PTPRD: variants seen among roughly 807,000 people sequenced by gnomAD.
PTPRD encodes protein tyrosine phosphatase receptor type D.
In PTPRD, 34 loss-of-function variants were observed where a neutral mutation model predicts 214.5. The ratio of observed to expected loss-of-function variants is 0.16; its 90% CI spans 0.12 to 0.21. The LOEUF (loss-of-function observed/expected upper bound fraction) is 0.21, where lower values mean the gene tolerates loss of function less well. Among genes scored for constraint, PTPRD ranks in the 10% least tolerant of loss-of-function variants. The pLI is 1.00. For synonymous variants in PTPRD, 1,128 were observed against 845.7 expected (o/e 1.33, Z -5.79); for missense variants, 2,545 against 2,398.7 (o/e 1.06, Z -1.27).
intron 3 of PTPRD, among the ~76,000 whole-genome samples, chr9:10,255,427 C>T (rs1394902037): frequency 6.6e-6 from 1 of 152,052 alleles, no homozygotes; most frequent in Admixed American, 6.6e-5. Flanking sequence ...TATTTAAACA[C>T]AGAAAAGGTA....
intron 11 of PTPRD, among the ~76,000 whole-genome samples, chr9:8,743,020 T>C (rs1211354674): frequency 6.7e-6 from 1 of 148,260 alleles, no homozygotes; most frequent in Non-Finnish European, 1.5e-5. Flanking sequence ...AACAAGAAAT[T>C]ATCCCATTCA....
At chr9:9,909,752 T>C (rs1601782933) in intron 5 of PTPRD, among the ~76,000 whole-genome samples, 1 of 151,288 alleles carries the variant, frequency 6.6e-6, no homozygotes, top group East Asian at 1.9e-4. Flanking sequence ...CATGTGAGCC[T>C]TTGGGACATC....
chr9:8,478,149 A>G (rs1387946305), intron 30 of PTPRD, among the ~76,000 whole-genome samples: 1 of 152,238 alleles, frequency 6.6e-6, no homozygotes, highest in Non-Finnish European at 1.5e-5. Context: ...AAATTAGAGG[A>G]AGAATACCTA....
At chr9:8,755,423 G>C (rs2093916752) in intron 11 of PTPRD, among the ~76,000 whole-genome samples, 1 of 151,650 alleles carries the variant, frequency 6.6e-6, no homozygotes, top group Non-Finnish European at 1.5e-5. Flanking sequence ...CAGCTACTCA[G>C]GAGGCTGAGG....
intron 3 of PTPRD, among the ~76,000 whole-genome samples, chr9:10,279,708 G>GA (rs34503009): frequency 0.29 from 37,894 of 130,818 alleles, 4,952 homozygotes; most frequent in South Asian, 0.43. Flanking sequence ...GTGCAAAACA[G>GA]AAAAAAAAAA....
intron 14 of PTPRD, among the ~76,000 whole-genome samples, chr9:8,584,549 G>T (rs1437376882): frequency 6.6e-6 from 1 of 151,980 alleles, no homozygotes; most frequent in Non-Finnish European, 1.5e-5. Context: ...AAATACTATT[G>T]GTTTTGATTA....
In PTPRD at chr9:8,510,094, G is replaced by C. The variant is rs978697780; in HGVS notation, c.1544-2660C>G. ...AAGTCAGGGGTTCGAGACCAGCCCAGGCAACATAGCAAAACCCTGTCTCTA... is the reference window on the plus strand; with the variant it reads ...AAGTCAGGGGTTCGAGACCAGCCCACGCAACATAGCAAAACCCTGTCTCTA... On this transcript the variant is annotated intron_variant, in intron 21 of 45. Coordinates refer to ENST00000381196, the MANE Select transcript of PTPRD (RefSeq NM_002839.4). 4.6e-5 allele frequency among the ~76,000 whole-genome samples: 7 copies of C among 151,934 alleles called. No homozygotes were observed. In the East Asian group the frequency reaches 1.4e-3, roughly 29 times the overall value.
chr9:9,594,311 A>G (rs897742430), intron 7 of PTPRD, among the ~76,000 whole-genome samples: 2 of 151,940 alleles, frequency 1.3e-5, no homozygotes, highest in Admixed American at 6.6e-5. Flanking sequence ...TTCTTATGGC[A>G]TTTGCTTTTG....
chr9:8,460,186 T>C lies in PTPRD; in HGVS notation c.3875+225A>G, dbSNP rs570889090. On this transcript the variant is annotated intron_variant, in intron 33 of 45. Transcript: ENST00000381196. ...TCAGAAGATTGGAGGCCAGAATAGA[T>C]GCATGTTGGACAACAGAAGTCTATA... 9.7e-5 allele frequency: 56 copies of C among 576,890 alleles called. No individual in the cohort carries two copies. In the Admixed American group the frequency reaches 1.7e-3, roughly 18 times the overall value. 35.7% of individuals were successfully genotyped at this position (576,890 alleles called of 1,614,324 possible).
rs370558197 is a variant in PTPRD, at chr9:10,364,149, G to A, written c.-599-23132C>T. 3.0e-4 allele frequency among the ~76,000 whole-genome samples: 45 copies of A among 151,502 alleles called. No homozygotes were observed. The East Asian group carries it at 6.2e-3, about 21-fold the overall frequency. On this transcript the variant is annotated intron_variant, in intron 2 of 45. Transcript: ENST00000381196. Reference sequence around the variant, plus strand: ...GGAGTAGCTGGGACTACAGGCGCCCGCCACCATGCCCGGATAATTTTTTTT... The same window carrying A: ...GGAGTAGCTGGGACTACAGGCGCCCACCACCATGCCCGGATAATTTTTTTT...
At chr9:9,488,205 C>T (rs1413949739) in intron 8 of PTPRD, among the ~76,000 whole-genome samples, 1 of 152,180 alleles carries the variant, frequency 6.6e-6, no homozygotes, top group African/African-American at 2.4e-5. Flanking sequence ...TTCACCTACA[C>T]ATTGCTTCAC....
At chr9:9,468,972 C>A (rs1589227756) in intron 8 of PTPRD, among the ~76,000 whole-genome samples, 1 of 152,032 alleles carries the variant, frequency 6.6e-6, no homozygotes, top group Admixed American at 6.5e-5. Context: ...GGAAACTGTA[C>A]CATTCAATCC....
At chr9:8,373,945 C>T (rs1162694856) in intron 39 of PTPRD, among the ~76,000 whole-genome samples, 2 of 149,678 alleles carry the variant, frequency 1.3e-5, no homozygotes, top group Non-Finnish European at 3.0e-5. Flanking sequence ...TTTTCTAGTG[C>T]CTCCACTTTA....
At chr9:8,942,651 G>T (rs911282308) in intron 11 of PTPRD, among the ~76,000 whole-genome samples, 1 of 151,534 alleles carries the variant, frequency 6.6e-6, no homozygotes, top group Non-Finnish European at 1.5e-5. Context: ...ACATACAGGG[G>T]TCAAAGCTAA....
chr9:9,580,681 T>C (rs2090517094), intron 7 of PTPRD, among the ~76,000 whole-genome samples: 1 of 151,588 alleles, frequency 6.6e-6, no homozygotes. Context: ...CCTGAATAGC[T>C]GGGATTACAG....
At chr9:9,678,826 A>C (rs2096994598) in intron 7 of PTPRD, among the ~76,000 whole-genome samples, 2 of 151,946 alleles carry the variant, frequency 1.3e-5, no homozygotes, top group Non-Finnish European at 2.9e-5. Context: ...TTCCTGTCAT[A>C]AATTTTGTGA....
At chr9:9,977,423 G>C (rs1471634814) in intron 4 of PTPRD, among the ~76,000 whole-genome samples, 1 of 152,142 alleles carries the variant, frequency 6.6e-6, no homozygotes, top group Non-Finnish European at 1.5e-5. Context: ...CATGCATGAA[G>C]CATAGAGTTT....
chr9:10,609,023 T>C (rs1279642985), intron 2 of PTPRD, among the ~76,000 whole-genome samples: 2 of 152,176 alleles, frequency 1.3e-5, no homozygotes, highest in African/African-American at 4.8e-5. Context: ...ATTCTACTTA[T>C]TTAATTTTCA....
intron 9 of PTPRD, among the ~76,000 whole-genome samples, chr9:9,319,076 C>A (rs1357351767): frequency 6.6e-6 from 1 of 152,136 alleles, no homozygotes. Context: ...ATAGGCTTGA[C>A]GAAAAGGATT....
Sources: allele counts gnomAD v4.1 joint callset (sites outside exome capture counted in the v4.1 genomes callset), GRCh38; gene constraint gnomAD v4.1.1; transcripts MANE v1.5; gene names NCBI Gene and HGNC (gene_info 2026-07-23, HGNC 2026-07-21).